SCN7A: variants seen among roughly 807,000 people sequenced by gnomAD.
The protein encoded by SCN7A is sodium channel protein type 7 subunit alpha.
SCN7A carries 138 observed loss-of-function variants against 155.2 expected under a neutral mutation model. That is an observed-to-expected ratio of 0.89 (90% CI 0.77 to 1.02). SCN7A has a LOEUF of 1.02. Among genes scored for constraint, SCN7A ranks in the 50% least tolerant of loss-of-function variants. SCN7A has a pLI of 0.00. For missense variants in SCN7A, 2,058 were observed against 1,986.6 expected (o/e 1.04, Z -0.68); for synonymous variants, 693 against 649.0 (o/e 1.07, Z -1.03).
intron 11 of SCN7A, among the ~76,000 whole-genome samples, chr2:166,455,614 T>C (rs1472984801): frequency 6.6e-6 from 1 of 152,076 alleles, no homozygotes; most frequent in Non-Finnish European, 1.5e-5. Flanking sequence ...ACCTGGGTGA[T>C]GGGATCATTT....
intron 7 of SCN7A, among the ~76,000 whole-genome samples, chr2:166,469,048 CT>C (rs895895759): frequency 5.3e-5 from 8 of 150,092 alleles, no homozygotes; most frequent in African/African-American, 2.0e-4. Context: ...TTTGTAGGGT[CT>C]TTTTCCAGTT....
At position 166,441,512 on chromosome 2, in the gene SCN7A, C is replaced by T. The variant is rs1224088420; in HGVS notation, c.2041G>A (p.Val681Met). Residue 681 changes from valine to methionine, a missense_variant, in exon 15 of 26, where the codon GTG (valine) becomes ATG (methionine). Transcript: ENST00000643258. ...MHDFFHSFLNVFRILCGEWVE... is the reference protein window; with the variant it reads ...MHDFFHSFLNMFRILCGEWVE... The stretch of plus-strand genomic sequence containing the variant: ...CACTCTCCACAGAGAATTCGGAACA[C>T]ATTCAGGAAGGAGTGGAAAAAGTCA... The T allele has an allele frequency of 1.2e-6, 2 of 1,613,970 alleles. No individual in the cohort carries two copies. The highest frequency in any genetic ancestry group is 1.3e-5 in the African/African-American group (1 of 74,918).
intron 12 of SCN7A, among the ~76,000 whole-genome samples, chr2:166,446,899 A>G (rs1045595453): frequency 2.0e-5 from 3 of 152,150 alleles, no homozygotes; most frequent in Non-Finnish European, 2.9e-5. Flanking sequence ...GGAAGGGAGA[A>G]CATTGGGAAA....
chr2:166,487,528 C>G (rs1287006837), intron 1 of SCN7A, among the ~76,000 whole-genome samples: 1 of 152,112 alleles, frequency 6.6e-6, no homozygotes, highest in Admixed American at 6.5e-5. Context: ...CTGCCCAGGC[C>G]AGTCACAGCC....
chr2:166,443,467 T>C, intron 14 of SCN7A, 36 bp downstream of exon 14: 1 of 1,534,584 alleles, frequency 6.5e-7, no homozygotes, highest in Middle Eastern at 1.7e-4. Flanking sequence ...AGATAAACTT[T>C]GATCAAATAA....
Position 166,474,226 on chromosome 2 carries a change from G to C in SCN7A, c.353C>G (p.Pro118Arg), listed in dbSNP as rs1702726782. ...TCAACAAGTCAACAGAAAAGGATAT[G>C]GATGTACCAAAACCTTGATAGTTGT... ...RRTTIKVLVH[P>R]FFQLFILISV... Residue 118 changes from proline (P) to arginine (R), a missense_variant and splice_region_variant, in exon 4 of 26, where the codon CCC becomes CGC. Transcript: ENST00000643258. The C allele has an allele frequency of 1.4e-6, 2 of 1,415,792 alleles. No homozygotes were observed. The highest frequency in any genetic ancestry group is 2.2e-4 in the Middle Eastern group (1 of 4,642). 87.7% of individuals were successfully genotyped at this position (1,415,792 alleles called of 1,614,324 possible).
At chr2:166,441,078 A>G (rs929339520) in intron 15 of SCN7A, 7 of 390,818 alleles carry the variant, frequency 1.8e-5, no homozygotes, top group African/African-American at 1.4e-4. Context: ...GGCAACTGAA[A>G]CCACATACAG....
chr2:166,465,463 C>A lies in SCN7A; in HGVS notation c.940G>T (p.Gly314Cys). ...TAGAATAAAACTAATACCACCTACCCAGCATCTGTCCTGTTGCCACAAAGG... is the reference window on the plus strand; with the variant it reads ...TAGAATAAAACTAATACCACCTACCAAGCATCTGTCCTGTTGCCACAAAGG... The part of the protein sequence containing the change: ...ALLCGNRTDA[G>C]QCPEGYVCVK... Residue 314 changes from glycine (G) to cysteine (C), a missense_variant and splice_region_variant, in exon 9 of 26, where the codon GGT becomes TGT. Coordinates refer to ENST00000643258, the MANE Select transcript of SCN7A (RefSeq NM_002976.4). The A allele has an allele frequency of 6.2e-7, 1 of 1,604,052 alleles. No individual in the cohort carries two copies.
At chr2:166,424,355 C>G (rs1236722034) in intron 18 of SCN7A, among the ~76,000 whole-genome samples, 1 of 151,810 alleles carries the variant, frequency 6.6e-6, no homozygotes, top group Non-Finnish European at 1.5e-5. Context: ...TAGATTTTAC[C>G]AGACCAATGA....
intron 3 of SCN7A, among the ~76,000 whole-genome samples, chr2:166,476,103 C>A (rs553034463): frequency 3.4e-4 from 51 of 151,848 alleles, no homozygotes; most frequent in Non-Finnish European, 6.0e-4. Flanking sequence ...GAGGGCCTAA[C>A]TTATACTTTC....
chr2:166,483,365 C>G (rs993512439), intron 2 of SCN7A, among the ~76,000 whole-genome samples: 17 of 151,976 alleles, frequency 1.1e-4, no homozygotes, highest in African/African-American at 4.1e-4. Context: ...CACATATCTT[C>G]CTGCCTTCTA....
intron 7 of SCN7A, among the ~76,000 whole-genome samples, chr2:166,469,244 C>G (rs193284526): frequency 1.3e-5 from 2 of 151,636 alleles, no homozygotes; most frequent in Non-Finnish European, 3.0e-5. Flanking sequence ...TTTCTTTATA[C>G]AAGTGTGCTT....
chr2:166,414,333 A>T (rs1701310475), intron 21 of SCN7A, among the ~76,000 whole-genome samples: 3 of 109,656 alleles, frequency 2.7e-5, no homozygotes, highest in Non-Finnish European at 5.4e-5. Flanking sequence ...TATATATATG[A>T]AGGAAGTAGA....
intron 2 of SCN7A, among the ~76,000 whole-genome samples, chr2:166,482,495 C>T (rs971940256): frequency 5.9e-5 from 9 of 151,900 alleles, no homozygotes; most frequent in African/African-American, 2.2e-4. Flanking sequence ...AGTAACATCA[C>T]CTGACCTTTC....
Position 166,405,728 on chromosome 2 carries a change from C to T in SCN7A, c.4901G>A (p.Arg1634His), listed in dbSNP as rs80098689. Residue 1634 changes from arginine (R) to histidine (H), a missense_variant, in exon 26 of 26, where the codon CGT (arginine) becomes CAT (histidine). Transcript: ENST00000643258. ...CCTCAAGCGGTAATTTTTATAAGCA[C>T]GTTGAATGATGGTTGCTGAAACTGC... ...QEAVSATIIQ[R>H]AYKNYRLRRN... 0.017 allele frequency: 27,915 copies of T among 1,612,978 alleles called. 329 individuals carry two copies. The highest frequency in any genetic ancestry group is 0.02 in the Non-Finnish European group (23,485 of 1,179,296).
At chr2:166,486,429 A>T (rs1275032840) in intron 2 of SCN7A, among the ~76,000 whole-genome samples, 1 of 152,206 alleles carries the variant, frequency 6.6e-6, no homozygotes, top group Non-Finnish European at 1.5e-5. Flanking sequence ...GGTTGACCAG[A>T]TATAACAGTG....
intron 3 of SCN7A, among the ~76,000 whole-genome samples, chr2:166,475,113 T>TAGATAC (rs1702761235): frequency 8.1e-6 from 1 of 123,372 alleles, no homozygotes; most frequent in African/African-American, 3.0e-5. Flanking sequence ...TGTATATATA[T>TAGATAC]ATATATACAT....
At position 166,472,299 on chromosome 2, in the gene SCN7A, A is replaced by G. The variant is rs994365934; in HGVS notation, c.572+18T>C. ...TGAGCAAAACATTAAAATAGACTCA[A>G]TTTAAAGAAATACTCACTCAAACAC... On this transcript the variant is annotated intron_variant, in intron 6 of 25. Coordinates refer to ENST00000643258, the MANE Select transcript of SCN7A (RefSeq NM_002976.4). The G allele has an allele frequency of 3.2e-6, 5 of 1,572,066 alleles. No individual in the cohort carries two copies. Among genetic ancestry groups the G allele is most frequent in the Non-Finnish European group, 4.3e-6 (5 of 1,163,942 alleles).
At position 166,445,082 on chromosome 2, in the gene SCN7A, G is replaced by A. The variant is rs7607564; in HGVS notation, c.1388-82C>T. The A allele has an allele frequency of 2.0e-4, 158 of 775,178 alleles. No homozygotes were observed. The Middle Eastern group carries it at 2.9e-3, about 14-fold the overall frequency. 48.0% of individuals were successfully genotyped at this position (775,178 alleles called of 1,614,324 possible). A position where few individuals can be genotyped will look rare whatever the true frequency, so the allele number is the denominator to read the frequency against. On this transcript the variant is annotated intron_variant, in intron 12 of 25. Transcript: ENST00000643258. ...TGTAATCCCAGCACTTTGGGAAGCC[G>A]AGGTGGGTGAATCACTTAAGTTCAG...
Sources: allele counts gnomAD v4.1 joint callset (sites outside exome capture counted in the v4.1 genomes callset), GRCh38; gene constraint gnomAD v4.1.1; transcripts MANE v1.5; gene names NCBI Gene and HGNC (gene_info 2026-07-23, HGNC 2026-07-21).